The following CENPC variants were observed in gnomAD, a reference collection of about 807,000 sequenced individuals.
CENPC encodes the protein CENP-C 1.
A neutral mutation model predicts 112.1 loss-of-function variants in CENPC; 63 were observed. The observed-to-expected ratio is 0.56, with a 90% confidence interval of 0.46 to 0.69. The LOEUF (loss-of-function observed/expected upper bound fraction) is 0.69. Ranked by LOEUF, CENPC falls within the 30% of genes least tolerant of loss-of-function variation. CENPC has a pLI of 0.00. For synonymous variants in CENPC, 333 were observed against 367.6 expected (o/e 0.91, Z 1.08); for missense variants, 1,000 against 1,103.8 (o/e 0.91, Z 1.33).
intron 17 of CENPC, among the ~76,000 whole-genome samples, chr4:67,477,285 C>T (rs977558887): frequency 3.3e-5 from 5 of 152,282 alleles, no homozygotes; most frequent in South Asian, 4.2e-4. Context: ...AACCAAAGAC[C>T]GTCACAGAGT....
At position 67,519,381 on chromosome 4, in the gene CENPC, T is replaced by C; in HGVS notation, c.453A>G (p.Glu151=). ...AAGGTGAGCCAACGGATAAGTAAAA[T>C]TCTTCATCAGCTTCACTGTGATGAT... The part of the protein sequence containing the change: ...INDHHSEADE[E]FYLSVGSPSV... Residue 151 remains glutamate (E), a synonymous_variant, in exon 6 of 19, where the codon GAA becomes GAG. Transcript: ENST00000273853. The C allele has an allele frequency of 6.2e-7, 1 of 1,613,414 alleles. No individual in the cohort carries two copies. Among genetic ancestry groups the C allele is most frequent in the Non-Finnish European group, 8.5e-7 (1 of 1,179,572 alleles).
chr4:67,510,447 C>A (rs1725863058), intron 9 of CENPC, among the ~76,000 whole-genome samples: 1 of 152,166 alleles, frequency 6.6e-6, no homozygotes, highest in Non-Finnish European at 1.5e-5. Flanking sequence ...AACTCCTTGA[C>A]CTCAAGTAAT....
Position 67,517,451 on chromosome 4 carries a change from C to T in CENPC, c.830+705G>A, listed in dbSNP as rs891503557. ...TGCTAGCATTACAGACATGAGCCAC[C>T]GCGCCCAGCAATAAAAACTTCCTAG... is the stretch of plus-strand genomic sequence containing the variant. On this transcript the variant is annotated intron_variant, in intron 7 of 18. Coordinates refer to ENST00000273853, the MANE Select transcript of CENPC (RefSeq NM_001812.4). 5.9e-5 allele frequency among the ~76,000 whole-genome samples: 9 copies of T among 151,680 alleles called. 1 individual carries two copies. The highest frequency in any genetic ancestry group is 8.8e-5 in the Non-Finnish European group (6 of 68,002).
chr4:67,520,872 C>T (rs1296345428), intron 5 of CENPC, among the ~76,000 whole-genome samples: 3 of 151,860 alleles, frequency 2.0e-5, no homozygotes, highest in Non-Finnish European at 2.9e-5. Flanking sequence ...ATTAGCCAGG[C>T]GTAGTGGCAC....
chr4:67,503,932 C>T (rs370734413), intron 12 of CENPC, among the ~76,000 whole-genome samples: 12 of 151,814 alleles, frequency 7.9e-5, no homozygotes, highest in African/African-American at 2.7e-4. Flanking sequence ...TTAACATACA[C>T]CTGATATTAA....
chr4:67,510,853 C>T (rs1206579409), intron 9 of CENPC: 3 of 373,024 alleles, frequency 8.0e-6, no homozygotes, highest in Middle Eastern at 7.5e-4. Flanking sequence ...AAGATTCCTC[C>T]ACTTTTTCGA....
intron 5 of CENPC, among the ~76,000 whole-genome samples, chr4:67,527,025 T>C (rs1726401018): frequency 6.6e-6 from 1 of 152,150 alleles, no homozygotes; most frequent in African/African-American, 2.4e-5. Context: ...AACACACTTC[T>C]AAATAACCAA....
chr4:67,536,228 G>T (rs1230890407), intron 4 of CENPC, among the ~76,000 whole-genome samples: 1 of 151,972 alleles, frequency 6.6e-6, no homozygotes, highest in African/African-American at 2.4e-5. Context: ...GAGAACAGAG[G>T]AAATGTTTCA....
chr4:67,494,522 C>T (rs779213248), intron 13 of CENPC, among the ~76,000 whole-genome samples: 27 of 152,092 alleles, frequency 1.8e-4, no homozygotes, highest in Non-Finnish European at 2.9e-4. Context: ...CATAGGCCCA[C>T]AAAATACTGA....
intron 7 of CENPC, among the ~76,000 whole-genome samples, chr4:67,517,311 G>A (rs752840522): frequency 2.6e-5 from 4 of 151,606 alleles, no homozygotes; most frequent in Non-Finnish European, 5.9e-5. Context: ...ACAGGCATGT[G>A]CCACCAAGCC....
Position 67,469,992 on chromosome 4 carries a change from G to GCTA in CENPC, c.*2610_*2612dup, listed in dbSNP as rs1724609807. The stretch of plus-strand genomic sequence containing the variant: ...AATGTGGTAGCCACCAGTACCATGT[G>GCTA]CTACTAAGCACTTGAAATGTGGCAA... On this transcript the variant is annotated 3_prime_UTR_variant, in exon 19 of 19. Transcript: ENST00000273853. The GCTA allele has an allele frequency of 6.6e-6, 1 of 152,214 alleles. No individual in the cohort carries two copies. 9.4% of individuals were successfully genotyped at this position (152,214 alleles called of 1,614,324 possible).
chr4:67,494,092 C>G (rs1725362133), intron 13 of CENPC, 104 bp from the exon 14 acceptor site: 3 of 540,354 alleles, frequency 5.6e-6, no homozygotes, highest in African/African-American at 3.9e-5. Flanking sequence ...TTTTTTAGAA[C>G]ATGAATATTT....
chr4:67,534,406 C>CA (rs1291698186), intron 4 of CENPC, among the ~76,000 whole-genome samples: 15 of 151,666 alleles, frequency 9.9e-5, no homozygotes, highest in South Asian at 2.1e-4. Context: ...TGCTTTTTCT[C>CA]AAAAAAAAGA....
intron 16 of CENPC, among the ~76,000 whole-genome samples, chr4:67,491,478 TATAGAGAGAGAGAGAGAG>T (rs1244750990): frequency 8.8e-4 from 22 of 24,980 alleles, no homozygotes; most frequent in South Asian, 3.8e-3. Context: ...TATATATATA[TATAGAGAGAGAGAGAGAG>T]AGAGAGAGAG....
At chr4:67,481,410 A>C (rs549345104) in intron 17 of CENPC, among the ~76,000 whole-genome samples, 29 of 152,178 alleles carry the variant, frequency 1.9e-4, no homozygotes, top group Non-Finnish European at 2.9e-4. Flanking sequence ...CAATCCTAAA[A>C]TTCATTATGG....
intron 17 of CENPC, among the ~76,000 whole-genome samples, chr4:67,482,365 A>T (rs578023825): frequency 6.6e-6 from 1 of 152,332 alleles, no homozygotes; most frequent in Admixed American, 6.5e-5. Flanking sequence ...CTAAAAGTAG[A>T]TCTACCATTT....
intron 5 of CENPC, among the ~76,000 whole-genome samples, chr4:67,524,771 T>C (rs897216819): frequency 6.6e-6 from 1 of 152,160 alleles, no homozygotes; most frequent in Non-Finnish European, 1.5e-5. Context: ...AATTTATAAA[T>C]TCAATGCTAC....
chr4:67,526,495 A>T (rs927023687), intron 5 of CENPC, among the ~76,000 whole-genome samples: 1 of 152,184 alleles, frequency 6.6e-6, no homozygotes, highest in African/African-American at 2.4e-5. Flanking sequence ...TAGTCCTATA[A>T]CTATTAAAGA....
chr4:67,483,282 C>T (rs547135078), intron 17 of CENPC, among the ~76,000 whole-genome samples: 6 of 151,848 alleles, frequency 4.0e-5, no homozygotes, highest in Non-Finnish European at 8.8e-5. Context: ...TGCTTGAACC[C>T]GGGAGGCAGA....
Sources: allele counts gnomAD v4.1 joint callset (sites outside exome capture counted in the v4.1 genomes callset), GRCh38; gene constraint gnomAD v4.1.1; transcripts MANE v1.5; gene names NCBI Gene and HGNC (gene_info 2026-07-23, HGNC 2026-07-21).